JAZF1: variants seen among roughly 807,000 people sequenced by gnomAD.
JAZF1 encodes the protein juxtaposed with another zinc finger protein 1.
Under a neutral mutation model 26.4 loss-of-function variants are expected in JAZF1, and 8 were observed. The observed-to-expected ratio is 0.30, with a 90% confidence interval of 0.18 to 0.55. The LOEUF (loss-of-function observed/expected upper bound fraction) is 0.55. Ranked by LOEUF, JAZF1 falls within the 20% of genes least tolerant of loss-of-function variation. The pLI, the probability that JAZF1 is intolerant of heterozygous loss-of-function variation, is 0.94. For missense variants in JAZF1, 199 were observed against 322.0 expected, an observed-to-expected ratio of 0.62 and a Z score of 2.92; for synonymous variants, 126 against 122.3, an observed-to-expected ratio of 1.03 and a Z score of -0.20.
At chr7:27,849,853 G>A (rs569327637) in intron 3 of JAZF1, among the ~76,000 whole-genome samples, 1 of 151,344 alleles carries the variant, frequency 6.6e-6, no homozygotes, top group Admixed American at 6.6e-5. Flanking sequence ...CTTCTGCCAC[G>A]TTTGCTCTCT....
At chr7:28,179,407 C>G (rs1469136774) in intron 1 of JAZF1, among the ~76,000 whole-genome samples, 1 of 152,204 alleles carries the variant, frequency 6.6e-6, no homozygotes, top group Non-Finnish European at 1.5e-5. Flanking sequence ...AAAGCAGCCA[C>G]CCTGCGGGGC....
intron 2 of JAZF1, among the ~76,000 whole-genome samples, chr7:27,988,375 A>AT (rs761244185): frequency 0.032 from 4,500 of 141,878 alleles, 171 homozygotes; most frequent in African/African-American, 0.096. Flanking sequence ...TAAATTGTAA[A>AT]TTTTTTTTTT....
chr7:28,170,831 AG>A (rs1562611468), intron 1 of JAZF1, among the ~76,000 whole-genome samples: 1 of 152,200 alleles, frequency 6.6e-6, no homozygotes, highest in African/African-American at 2.4e-5. Context: ...GCAAGCACTG[AG>A]TATATGGGCA....
chr7:28,000,614 CTT>C, intron 1 of JAZF1, among the ~76,000 whole-genome samples: 1 of 133,010 alleles, frequency 7.5e-6, no homozygotes, highest in African/African-American at 3.1e-5. Flanking sequence ...TTCTTTCTTT[CTT>C]TCTTTCTTTT....
At chr7:28,142,356 A>T (rs1228437979) in intron 1 of JAZF1, among the ~76,000 whole-genome samples, 2 of 152,192 alleles carry the variant, frequency 1.3e-5, no homozygotes, top group Non-Finnish European at 2.9e-5. Flanking sequence ...CCACACTTCG[A>T]GAACCATTTC....
intron 2 of JAZF1, among the ~76,000 whole-genome samples, chr7:27,926,299 C>A (rs1012343107): frequency 1.3e-5 from 2 of 152,144 alleles, no homozygotes; most frequent in African/African-American, 4.8e-5. Flanking sequence ...GACCTGCAAA[C>A]CCCCCAAATA....
rs539690727 is a variant in JAZF1 at position 28,000,581 on chromosome 7, A to C, written c.116-8600T>G. Among the ~76,000 whole-genome samples, 4 of 151,404 alleles carry C rather than the reference A, an allele frequency of 2.6e-5. No individual in the cohort carries two copies. In the South Asian group the frequency reaches 8.4e-4, roughly 32 times the overall value. On this transcript the variant is annotated intron_variant, in intron 1 of 4. Coordinates refer to ENST00000283928, the MANE Select transcript of JAZF1 (RefSeq NM_175061.4). ...ACACAGAGGCTGTTTGGACCTAGATAAGTGCTCCTATTTTCTTTTTCTTTC... is the reference window on the plus strand; with the variant it reads ...ACACAGAGGCTGTTTGGACCTAGATCAGTGCTCCTATTTTCTTTTTCTTTC...
chr7:28,035,488 T>C (rs1783276027), intron 1 of JAZF1, among the ~76,000 whole-genome samples: 1 of 151,910 alleles, frequency 6.6e-6, no homozygotes, highest in African/African-American at 2.4e-5. Context: ...AAAATAAATT[T>C]TTCAGAAAAT....
intron 3 of JAZF1, among the ~76,000 whole-genome samples, chr7:27,853,057 C>T (rs533471850): frequency 2.6e-5 from 4 of 152,306 alleles, no homozygotes; most frequent in African/African-American, 4.8e-5. Context: ...TCCCTCCCTG[C>T]GGTGACGCCT....
At chr7:28,160,077 T>G (rs1194291166) in intron 1 of JAZF1, among the ~76,000 whole-genome samples, 1 of 151,994 alleles carries the variant, frequency 6.6e-6, no homozygotes, top group Non-Finnish European at 1.5e-5. Flanking sequence ...CGGTTCTGGG[T>G]GGGGTACGGA....
chr7:27,834,066 T>C (rs739900), intron 4 of JAZF1, among the ~76,000 whole-genome samples: 17,252 of 152,162 alleles, frequency 0.11, 1,064 homozygotes, highest in African/African-American at 0.14. Context: ...CTAAATCCAG[T>C]CCTGCTAGAG....
At chr7:27,869,461 G>C (rs115415175) in intron 3 of JAZF1, among the ~76,000 whole-genome samples, 2 of 152,134 alleles carry the variant, frequency 1.3e-5, no homozygotes, top group Non-Finnish European at 2.9e-5. Context: ...GCAGTAGCTC[G>C]ACGGCACCAA....
At chr7:27,999,205 A>C (rs1786083342) in intron 1 of JAZF1, among the ~76,000 whole-genome samples, 1 of 152,170 alleles carries the variant, frequency 6.6e-6, no homozygotes, top group Admixed American at 6.5e-5. Context: ...AATTCTTTCA[A>C]ACTGGAGTAA....
chr7:27,901,057 T>C (rs1784154602), intron 2 of JAZF1, among the ~76,000 whole-genome samples: 1 of 152,048 alleles, frequency 6.6e-6, no homozygotes, highest in Non-Finnish European at 1.5e-5. Context: ...AACATTTTTC[T>C]ACACGTAGAG....
At chr7:27,979,386 T>A (rs1190327149) in intron 2 of JAZF1, among the ~76,000 whole-genome samples, 1 of 128,412 alleles carries the variant, frequency 7.8e-6, no homozygotes, top group African/African-American at 2.9e-5. Context: ...TTTTTTTTTT[T>A]TTTTTTTTTT....
intron 2 of JAZF1, among the ~76,000 whole-genome samples, chr7:27,962,283 T>C (rs1254509678): frequency 6.6e-6 from 1 of 152,198 alleles, no homozygotes; most frequent in Non-Finnish European, 1.5e-5. Context: ...TGTGCCTTTG[T>C]TGATGTTATG....
chr7:28,067,628 C>T (rs546498519), intron 1 of JAZF1, among the ~76,000 whole-genome samples: 5 of 152,186 alleles, frequency 3.3e-5, no homozygotes, highest in African/African-American at 7.2e-5. Flanking sequence ...TCTGCCCAGT[C>T]TAATAAAATG....
intron 1 of JAZF1, among the ~76,000 whole-genome samples, chr7:28,153,282 G>C (rs17156497): frequency 0.019 from 2,849 of 151,796 alleles, 84 homozygotes; most frequent in African/African-American, 0.064. Flanking sequence ...GTAAGCATCA[G>C]GCTCTTTGCG....
At chr7:28,034,217 C>T (rs555063467) in intron 1 of JAZF1, among the ~76,000 whole-genome samples, 5 of 152,068 alleles carry the variant, frequency 3.3e-5, no homozygotes, top group Non-Finnish European at 7.4e-5. Context: ...CACACACACA[C>T]GAAGTTTAAG....
Sources: allele counts gnomAD v4.1 joint callset (sites outside exome capture counted in the v4.1 genomes callset), GRCh38; gene constraint gnomAD v4.1.1; transcripts MANE v1.5; gene names NCBI Gene and HGNC (gene_info 2026-07-23, HGNC 2026-07-21).